Variants in SLC14A2 observed in about 807,000 individuals in gnomAD.
The protein encoded by SLC14A2 is urea transporter 2.
In SLC14A2, 91 loss-of-function variants were observed where a neutral mutation model predicts 104.6. That is an observed-to-expected ratio of 0.87 (90% CI 0.73 to 1.04). SLC14A2 has a LOEUF of 1.04. SLC14A2 is among the 50% of genes least tolerant of loss of function. The probability of loss-of-function intolerance (pLI) is 0.00; values close to 1 mark genes in which losing one functional copy is unlikely to be tolerated. For synonymous variants in SLC14A2, 476 were observed against 466.4 expected, an observed-to-expected ratio of 1.02 and a Z score of -0.27; for missense variants, 1,189 against 1,156.0, an observed-to-expected ratio of 1.03 and a Z score of -0.41.
At chr18:45,458,884 T>A (rs553152394) in intron 1 of SLC14A2, among the ~76,000 whole-genome samples, 1 of 152,302 alleles carries the variant, frequency 6.6e-6, no homozygotes, top group East Asian at 1.9e-4. Flanking sequence ...TTGGAGAATT[T>A]ACAAGTGGTT....
At chr18:45,253,297 AC>A (rs569748839) in intron 1 of SLC14A2, among the ~76,000 whole-genome samples, 2 of 152,320 alleles carry the variant, frequency 1.3e-5, no homozygotes, top group South Asian at 4.1e-4. Flanking sequence ...ACCACCCAGT[AC>A]TGAGAGGCAG....
intron 1 of SLC14A2, among the ~76,000 whole-genome samples, chr18:45,354,780 T>C (rs1161006855): frequency 6.6e-6 from 1 of 152,214 alleles, no homozygotes. Flanking sequence ...TCACTCTCCA[T>C]GTAGCCTACT....
intron 7 of SLC14A2, among the ~76,000 whole-genome samples, chr18:45,640,541 A>G (rs978493413): frequency 3.3e-5 from 5 of 152,212 alleles, no homozygotes; most frequent in Non-Finnish European, 7.4e-5. Context: ...ACACATTTAA[A>G]TAGGTATTTG....
In SLC14A2 at chr18:45,644,156, C is replaced by T. The variant is rs780271070; in HGVS notation, c.1347C>T (p.Pro449=). Residue 449 remains proline (P), a synonymous_variant, in exon 10 of 20, where the codon CCC becomes CCT. Coordinates refer to ENST00000255226, the MANE Select transcript of SLC14A2 (RefSeq NM_007163.4). The part of the protein sequence containing the change: ...TVKSGEEEKA[P]SGGGGEHPPT... ...AAAGCGGTGAAGAAGAGAAGGCCCC[C>T]AGCGGTGAATAGCCATGTTCGGGGA... 1 of 1,614,138 alleles carries T rather than the reference C, an allele frequency of 6.2e-7. No individual in the cohort carries two copies. Among genetic ancestry groups the T allele is most frequent in the Non-Finnish European group, 8.5e-7 (1 of 1,179,978 alleles).
chr18:45,596,410 T>C (rs1409992913), intron 2 of SLC14A2, among the ~76,000 whole-genome samples: 1 of 152,156 alleles, frequency 6.6e-6, no homozygotes, highest in Admixed American at 6.5e-5. Context: ...CAGGGAGATA[T>C]TACAATTAAA....
chr18:45,432,925 A>G (rs987963591), intron 1 of SLC14A2, among the ~76,000 whole-genome samples: 1 of 152,196 alleles, frequency 6.6e-6, no homozygotes, highest in African/African-American at 2.4e-5. Context: ...TTTTTGTGCA[A>G]TAAATAAATA....
chr18:45,194,789 G>A, the SLC14A2 span, among the ~76,000 whole-genome samples: 3 of 151,570 alleles, frequency 2.0e-5, no homozygotes, highest in African/African-American at 7.3e-5. Context: ...GGGACTACAG[G>A]CACCTGCCAT....
At chr18:45,569,950 A>G (rs905968031) in intron 2 of SLC14A2, among the ~76,000 whole-genome samples, 3 of 152,206 alleles carry the variant, frequency 2.0e-5, no homozygotes. Context: ...GGCTTTTAAA[A>G]CTGCAAAATC....
At chr18:45,224,257 G>A (rs927391662) in intron 1 of SLC14A2, among the ~76,000 whole-genome samples, 8 of 152,206 alleles carry the variant, frequency 5.3e-5, no homozygotes, top group East Asian at 1.9e-4. Flanking sequence ...AGAGAGATGC[G>A]AAATGGTCTC....
Position 45,402,366 on chromosome 18 carries a change from A to G in SLC14A2, c.-124-80867A>G, listed in dbSNP as rs546605521. ...CCAGTTCGCCGATAATAGACGTTTC[A>G]TAAAAGAACACAAAAGACGCTAATA... On this transcript the variant is annotated intron_variant, in intron 1 of 20. Coordinates refer to the SLC14A2 transcript ENST00000586448. 3.3e-5 allele frequency among the ~76,000 whole-genome samples: 5 copies of G among 152,366 alleles called. No individual in the cohort carries two copies. The East Asian group carries it at 9.6e-4, about 29-fold the overall frequency.
At chr18:45,645,338 T>A (rs1458439484) in intron 10 of SLC14A2, among the ~76,000 whole-genome samples, 2 of 152,076 alleles carry the variant, frequency 1.3e-5, no homozygotes, top group Non-Finnish European at 2.9e-5. Context: ...TGATTTATAA[T>A]CCTTTCAGTA....
intron 1 of SLC14A2, among the ~76,000 whole-genome samples, chr18:45,415,035 G>T (rs73953187): frequency 0.013 from 2,035 of 151,826 alleles, 45 homozygotes; most frequent in African/African-American, 0.047. Flanking sequence ...AACCAAAAAG[G>T]TTATTTTGAG....
At chr18:45,390,925 A>G (rs2144411506) in intron 1 of SLC14A2, among the ~76,000 whole-genome samples, 1 of 152,256 alleles carries the variant, frequency 6.6e-6, no homozygotes, top group East Asian at 1.9e-4. Flanking sequence ...AGTATTTATG[A>G]TGTTTTATGT....
chr18:45,366,005 A>T (rs930972082), intron 1 of SLC14A2, among the ~76,000 whole-genome samples: 1 of 152,128 alleles, frequency 6.6e-6, no homozygotes, highest in Admixed American at 6.6e-5. Context: ...AAAAAAAAAA[A>T]AAAATCAACT....
chr18:45,531,479 T>A (rs2043686292), intron 2 of SLC14A2, among the ~76,000 whole-genome samples: 1 of 152,270 alleles, frequency 6.6e-6, no homozygotes, highest in African/African-American at 2.4e-5. Flanking sequence ...CATGTGTTTT[T>A]TGGCTGCATA....
chr18:45,478,426 T>G (rs1364962450), intron 1 of SLC14A2, among the ~76,000 whole-genome samples: 1 of 152,260 alleles, frequency 6.6e-6, no homozygotes, highest in African/African-American at 2.4e-5. Flanking sequence ...GCTGTTTCTA[T>G]GCAGCCATCT....
intron 3 of SLC14A2, 124 bp from the exon 4 acceptor site, chr18:45,626,834 C>T: frequency 6.7e-6 from 3 of 449,842 alleles, no homozygotes; most frequent in South Asian, 5.2e-5. Flanking sequence ...CGACCCCTGG[C>T]CTGGCTGAAT....
At chr18:45,606,183 G>A (rs575251060) in intron 2 of SLC14A2, among the ~76,000 whole-genome samples, 74 of 152,122 alleles carry the variant, frequency 4.9e-4, no homozygotes, top group African/African-American at 1.7e-3. Flanking sequence ...ACTCCTTTAT[G>A]CTAAAAAGTT....
intron 1 of SLC14A2, among the ~76,000 whole-genome samples, chr18:45,358,335 G>A (rs922269154): frequency 6.6e-5 from 10 of 152,070 alleles, no homozygotes; most frequent in Admixed American, 2.0e-4. Flanking sequence ...ATGATGCCTC[G>A]CCCACTTTAT....
Sources: gnomAD v4.1 joint callset for allele counts (sites outside exome capture counted in the v4.1 genomes callset) on GRCh38, gnomAD v4.1.1 for gene constraint, MANE v1.5 for transcripts, NCBI Gene and HGNC (gene_info 2026-07-23, HGNC 2026-07-21) for gene names.